MAST4: variants seen among roughly 807,000 people sequenced by gnomAD.
The protein encoded by MAST4 is microtubule-associated serine/threonine-protein kinase 4.
Under a neutral mutation model 162.7 loss-of-function variants are expected in MAST4, and 89 were observed. That is an observed-to-expected ratio of 0.55 (90% CI 0.46 to 0.65). The LOEUF (loss-of-function observed/expected upper bound fraction) is 0.65, where lower values mean the gene tolerates loss of function less well. MAST4 is among the 30% of genes least tolerant of loss of function. The probability of loss-of-function intolerance (pLI) is 0.00; values close to 1 mark genes in which losing one functional copy is unlikely to be tolerated. For synonymous variants in MAST4, 1,479 were observed against 1,361.1 expected, an observed-to-expected ratio of 1.09 and a Z score of -1.91; for missense variants, 3,153 against 3,374.0, an observed-to-expected ratio of 0.93 and a Z score of 1.62.
intron 1 of MAST4, among the ~76,000 whole-genome samples, chr5:66,693,143 AGT>A (rs1749158883): frequency 6.6e-6 from 1 of 152,176 alleles, no homozygotes; most frequent in Non-Finnish European, 1.5e-5. Context: ...AAAATGTGAA[AGT>A]GTGAATTTAG....
At chr5:66,950,535 A>G (rs1744556040) in intron 4 of MAST4, among the ~76,000 whole-genome samples, 1 of 152,112 alleles carries the variant, frequency 6.6e-6, no homozygotes, top group Non-Finnish European at 1.5e-5. Flanking sequence ...CTAGCATAAC[A>G]ATATTTGTCC....
chr5:67,010,527 C>T (rs1752543835), intron 4 of MAST4, among the ~76,000 whole-genome samples: 1 of 152,122 alleles, frequency 6.6e-6, no homozygotes, highest in Non-Finnish European at 1.5e-5. Flanking sequence ...CCAGGGCACT[C>T]AGGCAGGCTG....
intron 3 of MAST4, among the ~76,000 whole-genome samples, chr5:66,830,388 CATT>C (rs1271900267): frequency 6.6e-6 from 1 of 152,102 alleles, no homozygotes; most frequent in African/African-American, 2.4e-5. Flanking sequence ...ATAAAGGAAT[CATT>C]ATTTTTCATT....
chr5:66,666,281 C>A (rs183471024), intron 1 of MAST4, among the ~76,000 whole-genome samples: 82 of 152,274 alleles, frequency 5.4e-4, no homozygotes, highest in African/African-American at 1.9e-3. Flanking sequence ...TGATGTTTTT[C>A]TCTTCAGACC....
At chr5:67,156,878 G>T (rs1772603355) in intron 26 of MAST4, among the ~76,000 whole-genome samples, 1 of 152,220 alleles carries the variant, frequency 6.6e-6, no homozygotes, top group African/African-American at 2.4e-5. Flanking sequence ...GCCAGACCCA[G>T]AGAAGAAATT....
At chr5:66,606,157 A>G (rs1470851146) in intron 1 of MAST4, among the ~76,000 whole-genome samples, 4 of 152,304 alleles carry the variant, frequency 2.6e-5, no homozygotes, top group South Asian at 4.1e-4. Context: ...GACCTTTAAA[A>G]AGAACACAAC....
At chr5:67,152,573 G>A in intron 24 of MAST4, 64 bp from the exon 25 acceptor site, 1 of 1,361,868 alleles carries the variant, frequency 7.3e-7, no homozygotes, top group Non-Finnish European at 1.0e-6. Flanking sequence ...CATGGGGTGA[G>A]GGTTGCCTGC....
intron 2 of MAST4, among the ~76,000 whole-genome samples, chr5:66,760,932 T>C (rs1229592275): frequency 6.6e-6 from 1 of 152,162 alleles, no homozygotes; most frequent in Non-Finnish European, 1.5e-5. Context: ...CACTAGTACC[T>C]CATGAATATG....
intron 2 of MAST4, among the ~76,000 whole-genome samples, chr5:66,784,673 A>G (rs1290764513): frequency 6.6e-6 from 1 of 152,048 alleles, no homozygotes; most frequent in African/African-American, 2.4e-5. Flanking sequence ...TGTGTGTGTG[A>G]CCCGGCCTAA....
intron 5 of MAST4, among the ~76,000 whole-genome samples, chr5:67,070,353 C>G (rs996721416): frequency 6.6e-6 from 1 of 152,096 alleles, no homozygotes; most frequent in East Asian, 1.9e-4. Flanking sequence ...CCTACTGTTC[C>G]TATTGTTGAC....
intron 1 of MAST4, among the ~76,000 whole-genome samples, chr5:66,617,124 A>G (rs1471832589): frequency 6.6e-6 from 1 of 152,198 alleles, no homozygotes; most frequent in Non-Finnish European, 1.5e-5. Context: ...AGTATGAGGC[A>G]CTCAAATTAC....
rs550225227 is a variant in MAST4, at chr5:66,855,608, A to C, written c.643-44343A>C. The stretch of plus-strand genomic sequence containing the variant: ...GGAGGAGAGATAAGGAAGCAATGCC[A>C]GTGTAAGGGTGCTGTGATGGGCAAC... On this transcript the variant is annotated intron_variant, in intron 3 of 28. Coordinates refer to ENST00000403625, the MANE Select transcript of MAST4 (RefSeq NM_001164664.2). Among the ~76,000 whole-genome samples, 3 of 152,308 alleles carry C rather than the reference A, an allele frequency of 2.0e-5. No homozygotes were observed. The South Asian group carries it at 6.2e-4, about 32-fold the overall frequency.
intron 4 of MAST4, among the ~76,000 whole-genome samples, chr5:66,960,328 T>G (rs929507407): frequency 5.3e-5 from 8 of 152,228 alleles, no homozygotes; most frequent in African/African-American, 1.9e-4. Context: ...TAATCAGTCC[T>G]TGCTCTAAAA....
chr5:67,133,153 TA>T (rs1173117201), intron 16 of MAST4, among the ~76,000 whole-genome samples: 5 of 152,166 alleles, frequency 3.3e-5, no homozygotes, highest in Non-Finnish European at 7.4e-5. Context: ...ATGGGTTGCT[TA>T]GTTCCTGGTG....
At chr5:66,865,959 C>T (rs1479222518) in intron 3 of MAST4, among the ~76,000 whole-genome samples, 1 of 151,392 alleles carries the variant, frequency 6.6e-6, no homozygotes, top group Non-Finnish European at 1.5e-5. Context: ...CCTGTAATCC[C>T]AGCTACTTGG....
intron 3 of MAST4, among the ~76,000 whole-genome samples, chr5:66,874,357 G>C (rs1761148440): frequency 6.6e-6 from 1 of 152,036 alleles, no homozygotes; most frequent in Non-Finnish European, 1.5e-5. Context: ...ACATGATCTG[G>C]TGGACAGAAG....
chr5:66,616,241 G>A (rs1743674391), intron 1 of MAST4, among the ~76,000 whole-genome samples: 1 of 152,224 alleles, frequency 6.6e-6, no homozygotes, highest in Admixed American at 6.5e-5. Context: ...CAGGTGTGGT[G>A]CATGCATTTT....
intron 5 of MAST4, among the ~76,000 whole-genome samples, chr5:67,060,867 C>T (rs1759486262): frequency 6.6e-6 from 1 of 152,106 alleles, no homozygotes; most frequent in African/African-American, 2.4e-5. Flanking sequence ...TTAGTAAAAC[C>T]TGAAATTTTG....
intron 12 of MAST4, among the ~76,000 whole-genome samples, chr5:67,117,054 A>G (rs1311463867): frequency 6.6e-6 from 1 of 152,180 alleles, no homozygotes; most frequent in Non-Finnish European, 1.5e-5. Flanking sequence ...AGATAATAAT[A>G]GTATCTATTT....
Sources: gnomAD v4.1 joint callset for allele counts (sites outside exome capture counted in the v4.1 genomes callset) on GRCh38, gnomAD v4.1.1 for gene constraint, MANE v1.5 for transcripts, NCBI Gene and HGNC (gene_info 2026-07-23, HGNC 2026-07-21) for gene names.